Variants in GALK2 observed in about 807,000 individuals in gnomAD.
The protein encoded by GALK2 is N-acetylgalactosamine kinase.
Under a neutral mutation model 52.4 loss-of-function variants are expected in GALK2, and 36 were observed. That is an observed-to-expected ratio of 0.69 (90% CI 0.53 to 0.91). The LOEUF (loss-of-function observed/expected upper bound fraction) is 0.91, where lower values mean the gene tolerates loss of function less well. GALK2 is among the 40% of genes least tolerant of loss of function. The pLI, the probability that GALK2 is intolerant of heterozygous loss-of-function variation, is 0.00. For missense variants in GALK2, 579 were observed against 559.1 expected (o/e 1.04, Z -0.36); for synonymous variants, 176 against 199.1 (o/e 0.88, Z 0.98).
At chr15:49,354,939 CT>C (rs1294208479) in intron 3 of GALK2, among the ~76,000 whole-genome samples, 1 of 152,040 alleles carries the variant, frequency 6.6e-6, no homozygotes, top group African/African-American at 2.4e-5. Context: ...ACCCCTGACC[CT>C]CGAGCAGCCT....
intron 2 of GALK2, among the ~76,000 whole-genome samples, chr15:49,214,318 T>A (rs2089191095): frequency 6.7e-6 from 1 of 148,742 alleles, no homozygotes; most frequent in Non-Finnish European, 1.5e-5. Flanking sequence ...TAACCCCATT[T>A]CTTCACTTTG....
chr15:49,156,176 G>A (rs938734620), intron 1 of GALK2, among the ~76,000 whole-genome samples: 1 of 152,214 alleles, frequency 6.6e-6, no homozygotes, highest in Admixed American at 6.5e-5. Flanking sequence ...AATTAGGTAT[G>A]CAGCTATCAG....
chr15:49,259,825 T>C (rs1041742495), intron 5 of GALK2, among the ~76,000 whole-genome samples: 2 of 150,658 alleles, frequency 1.3e-5, no homozygotes, highest in African/African-American at 4.9e-5. Flanking sequence ...TGAGAATATG[T>C]GGTGTTTGGT....
At chr15:49,310,216 T>C (rs1483951163) in intron 8 of GALK2, among the ~76,000 whole-genome samples, 2 of 152,212 alleles carry the variant, frequency 1.3e-5, no homozygotes, top group Non-Finnish European at 1.5e-5. Flanking sequence ...ATGACAGGAT[T>C]TCATTCTTTT....
intron 1 of GALK2, among the ~76,000 whole-genome samples, chr15:49,162,494 G>A (rs1307369895): frequency 1.3e-5 from 2 of 152,116 alleles, no homozygotes; most frequent in Non-Finnish European, 1.5e-5. Flanking sequence ...TTTCTCTTGG[G>A]TAATTTATGG....
chr15:49,346,417 A>G (rs1429153587), intron 3 of GALK2, among the ~76,000 whole-genome samples: 4 of 151,936 alleles, frequency 2.6e-5, no homozygotes, highest in African/African-American at 9.7e-5. Flanking sequence ...CTTTCCCCAC[A>G]CCTAAGGCCA....
chr15:49,156,662 A>G, intron 1 of GALK2: 3 of 518,224 alleles, frequency 5.8e-6, no homozygotes, highest in Non-Finnish European at 7.6e-6. Context: ...CAAAGGCAAA[A>G]TTTCCACTGT....
At chr15:49,248,021 A>C (rs2141553556) in intron 5 of GALK2, among the ~76,000 whole-genome samples, 1 of 152,318 alleles carries the variant, frequency 6.6e-6, no homozygotes, top group Admixed American at 6.5e-5. Flanking sequence ...GAATGTTCAA[A>C]GTTCTGTGCC....
intron 1 of GALK2, among the ~76,000 whole-genome samples, chr15:49,174,032 G>A (rs540082986): frequency 1.9e-4 from 29 of 152,166 alleles, no homozygotes; most frequent in East Asian, 3.9e-4. Context: ...GCTGTGCCCC[G>A]GACTATTTCA....
chr15:49,311,773 G>A (rs571845542), intron 8 of GALK2, among the ~76,000 whole-genome samples: 14 of 152,318 alleles, frequency 9.2e-5, no homozygotes, highest in Admixed American at 3.3e-4. Context: ...GCCATTGTGC[G>A]TTCTCCAAAG....
intron 5 of GALK2, among the ~76,000 whole-genome samples, chr15:49,259,094 CAT>C (rs944840614): frequency 5.3e-5 from 8 of 150,370 alleles, no homozygotes; most frequent in African/African-American, 9.8e-5. Flanking sequence ...ATTTTGTATA[CAT>C]ATATATATAT....
downstream of GALK2, among the ~76,000 whole-genome samples, chr15:49,334,890 C>G (rs1432926552): frequency 6.6e-6 from 1 of 152,196 alleles, no homozygotes; most frequent in Non-Finnish European, 1.5e-5. Flanking sequence ...GATATTCTCT[C>G]ATTAACCCAT....
intron 3 of GALK2, among the ~76,000 whole-genome samples, chr15:49,344,463 G>T (rs1017458132): frequency 6.6e-6 from 1 of 152,052 alleles, no homozygotes; most frequent in African/African-American, 2.4e-5. Flanking sequence ...TAACTTTATT[G>T]TGTTTCTTTA....
At chr15:49,313,759 C>T (rs2141922886) in intron 8 of GALK2, among the ~76,000 whole-genome samples, 1 of 152,338 alleles carries the variant, frequency 6.6e-6, no homozygotes, top group South Asian at 2.1e-4. Context: ...GACTATCATA[C>T]TCAGTGCTTA....
At position 49,353,838 on chromosome 15, in the gene GALK2, T is replaced by C. The variant is rs571858771; in HGVS notation, c.427-13653T>C. 9 of 152,324 alleles carry C rather than the reference T, an allele frequency of 5.9e-5. No homozygotes were observed. The South Asian group carries it at 1.9e-3, about 32-fold the overall frequency. The allele number at this position is 152,324 out of a possible 1,614,324, so 9.4% of individuals were successfully genotyped here. A position where few individuals can be genotyped will look rare whatever the true frequency, so the allele number is the denominator to read the frequency against. ...TTATCCTTTTAAAAATGTGATTGCA[T>C]TACTAGGTTCTTACCATATGTTAAT... On this transcript the variant is annotated intron_variant, in intron 3 of 3. Coordinates refer to the GALK2 transcript ENST00000558399.
At chr15:49,344,251 C>T (rs1321994811) in intron 3 of GALK2, 1 of 152,100 alleles carries the variant, frequency 6.6e-6, no homozygotes, top group Admixed American at 6.6e-5. Flanking sequence ...AAATTATTTT[C>T]ATTTTTCTGT....
At chr15:49,188,796 A>G (rs1187999102) in intron 1 of GALK2, among the ~76,000 whole-genome samples, 2 of 152,224 alleles carry the variant, frequency 1.3e-5, no homozygotes, top group Non-Finnish European at 2.9e-5. Context: ...AATCTCAACT[A>G]ATTTAATTAA....
rs143230120 is a variant in GALK2 at position 49,282,625 on chromosome 15, G to A, written c.603+540G>A. 1.9e-3 allele frequency among the ~76,000 whole-genome samples: 284 copies of A among 152,232 alleles called. 2 individuals carry two copies. The highest frequency in any genetic ancestry group is 6.3e-3 in the African/African-American group (261 of 41,546). ...GGAATGAATTCCTTAGCTGGATACC[G>A]CTTCCCCTTGGCTATCAACTCCTTT... On this transcript the variant is annotated intron_variant, in intron 6 of 9. Coordinates refer to ENST00000560031, the MANE Select transcript of GALK2 (RefSeq NM_002044.4).
chr15:49,235,664 G>T (rs1199757646), intron 3 of GALK2, 187 bp from the exon 4 acceptor site: 1 of 723,534 alleles, frequency 1.4e-6, no homozygotes, highest in African/African-American at 1.7e-5. Context: ...TAGTCACTAA[G>T]GCCACTGCAA....
Sources: allele counts gnomAD v4.1 joint callset (sites outside exome capture counted in the v4.1 genomes callset), GRCh38; gene constraint gnomAD v4.1.1; transcripts MANE v1.5; gene names NCBI Gene and HGNC (gene_info 2026-07-23, HGNC 2026-07-21).